Variants in SOX5 observed in about 807,000 individuals in gnomAD.
SOX5 encodes the protein transcription factor SOX-5.
In SOX5, 9 loss-of-function variants were observed where a neutral mutation model predicts 92.0. The observed-to-expected ratio is 0.10, with a 90% CI of 0.06 to 0.17. The LOEUF (loss-of-function observed/expected upper bound fraction) is 0.17, where lower values mean the gene tolerates loss of function less well. Ranked by LOEUF, SOX5 falls within the 10% of genes least tolerant of loss-of-function variation. The probability of loss-of-function intolerance (pLI) is 1.00; values close to 1 mark genes in which losing one functional copy is unlikely to be tolerated. For missense variants in SOX5, 642 were observed against 944.5 expected (o/e 0.68, Z 4.20); for synonymous variants, 344 against 336.3 (o/e 1.02, Z -0.25).
chr12:24,201,033 C>T (rs1451173021), intron 4 of SOX5, among the ~76,000 whole-genome samples: 1 of 152,172 alleles, frequency 6.6e-6, no homozygotes, highest in Non-Finnish European at 1.5e-5. Context: ...CAGAACTATA[C>T]ACCCAACAAT....
intron 2 of SOX5, among the ~76,000 whole-genome samples, chr12:23,875,556 G>C (rs1209231858): frequency 6.6e-6 from 1 of 151,760 alleles, no homozygotes; most frequent in Admixed American, 6.6e-5. Flanking sequence ...AGGAAGCAAA[G>C]GAAGGAAAGA....
At chr12:23,953,774 A>C (rs896728885), upstream of SOX5, among the ~76,000 whole-genome samples, 2 of 152,056 alleles carry the variant, frequency 1.3e-5, no homozygotes, top group Non-Finnish European at 2.9e-5. Flanking sequence ...TACACAAATA[A>C]AATATATTTT....
At chr12:23,914,415 C>T (rs2097389597) in intron 1 of SOX5, among the ~76,000 whole-genome samples, 1 of 151,966 alleles carries the variant, frequency 6.6e-6, no homozygotes, top group Admixed American at 6.6e-5. Flanking sequence ...ATTGATTTAC[C>T]AGGGCAAGTA....
Position 23,805,071 on chromosome 12 carries a change from T to A in SOX5, c.481+40912A>T, listed in dbSNP as rs554052624. ...TGCTTTGCATGACTAGACGTTTTTTTAAAAAAATCTGTGGAATGAAAGAAG... is the reference window on the plus strand; with the variant it reads ...TGCTTTGCATGACTAGACGTTTTTTAAAAAAAATCTGTGGAATGAAAGAAG... On this transcript the variant is annotated intron_variant, in intron 3 of 14. Coordinates refer to ENST00000451604, the MANE Select transcript of SOX5 (RefSeq NM_006940.6). 1.3e-4 allele frequency among the ~76,000 whole-genome samples: 20 copies of A among 150,466 alleles called. 1 individual carries two copies. Among genetic ancestry groups the A allele is most frequent in the Middle Eastern group, 6.9e-3 (2 of 288 alleles).
rs977308190 is a variant in SOX5 at position 23,786,835 on chromosome 12, A to C, written c.482-31111T>G. On this transcript the variant is annotated intron_variant, in intron 3 of 14. Transcript: ENST00000451604. Reference sequence around the variant, plus strand: ...ATCACTGATTTTGGAGAAAAGTTATAAAACAAAAACTTAAAATTATGCAAA... The same window carrying C: ...ATCACTGATTTTGGAGAAAAGTTATCAAACAAAAACTTAAAATTATGCAAA... Among the ~76,000 whole-genome samples the C allele has an allele frequency of 1.1e-4, 16 of 146,054 alleles. 1 individual carries two copies. Among genetic ancestry groups the C allele is most frequent in the African/African-American group, 4.1e-4 (16 of 39,458 alleles).
chr12:24,371,565 G>C (rs1956747502), intron 1 of SOX5, among the ~76,000 whole-genome samples: 1 of 152,188 alleles, frequency 6.6e-6, no homozygotes, highest in Non-Finnish European at 1.5e-5. Flanking sequence ...CTTTCACCCT[G>C]AAAACAGGAG....
rs147574562 is a variant in SOX5 at position 23,648,596 on chromosome 12, C to T, written c.932-7699G>A. 5.3e-3 allele frequency among the ~76,000 whole-genome samples: 800 copies of T among 152,152 alleles called. 9 individuals are homozygous for T. Among genetic ancestry groups the T allele is most frequent in the South Asian group, 0.043 (205 of 4,812 alleles). ...ACAAAATAGAGTCTGTCTGGTATGACCAGGTGTGAACACAGAGAGAAGGTG... is the reference window on the plus strand; with the variant it reads ...ACAAAATAGAGTCTGTCTGGTATGATCAGGTGTGAACACAGAGAGAAGGTG... On this transcript the variant is annotated intron_variant, in intron 7 of 14. Transcript: ENST00000451604.
At chr12:24,346,815 G>T (rs1442224624) in intron 2 of SOX5, among the ~76,000 whole-genome samples, 1 of 151,902 alleles carries the variant, frequency 6.6e-6, no homozygotes, top group Non-Finnish European at 1.5e-5. Flanking sequence ...ACTCATAGGT[G>T]GGAATTGAAT....
intron 3 of SOX5, among the ~76,000 whole-genome samples, chr12:23,800,156 A>G (rs2095634971): frequency 6.6e-6 from 1 of 152,068 alleles, no homozygotes; most frequent in African/African-American, 2.4e-5. Context: ...CAGTTTCAAC[A>G]TTTTTAAATG....
intron 9 of SOX5, among the ~76,000 whole-genome samples, chr12:23,601,033 T>C (rs930314631): frequency 5.3e-5 from 8 of 152,142 alleles, no homozygotes; most frequent in African/African-American, 1.9e-4. Context: ...GCAGGAATGC[T>C]AAGTGAAATC....
At chr12:24,147,572 T>A (rs550758005) in intron 4 of SOX5, among the ~76,000 whole-genome samples, 1 of 152,040 alleles carries the variant, frequency 6.6e-6, no homozygotes, top group African/African-American at 2.4e-5. Context: ...GGGAGTGCAA[T>A]AAAGCAAGAA....
intron 1 of SOX5, among the ~76,000 whole-genome samples, chr12:24,554,876 C>T (rs1953612609): frequency 6.6e-6 from 1 of 152,202 alleles, no homozygotes; most frequent in Non-Finnish European, 1.5e-5. Context: ...CGTCTTTTCT[C>T]AGATGTTGTT....
chr12:23,728,764 A>G (rs1225839510), intron 6 of SOX5, among the ~76,000 whole-genome samples: 1 of 152,180 alleles, frequency 6.6e-6, no homozygotes, highest in African/African-American at 2.4e-5. Context: ...ACTTAGGGCC[A>G]TTAAGCCTTA....
chr12:23,828,192 G>T, intron 3 of SOX5, among the ~76,000 whole-genome samples: 1 of 152,170 alleles, frequency 6.6e-6, no homozygotes, highest in East Asian at 1.9e-4. Context: ...CAGGCTTGGA[G>T]CCTAGGGGCG....
At chr12:23,588,721 G>GCACACA (rs56083228) in intron 9 of SOX5, among the ~76,000 whole-genome samples, 18 of 149,324 alleles carry the variant, frequency 1.2e-4, no homozygotes, top group African/African-American at 4.4e-4. Context: ...ATGGGATAGT[G>GCACACA]CACACACACA....
At chr12:23,659,419 G>A (rs535290390) in intron 7 of SOX5, among the ~76,000 whole-genome samples, 1 of 152,240 alleles carries the variant, frequency 6.6e-6, no homozygotes, top group South Asian at 2.1e-4. Context: ...CATATTTTAA[G>A]TTTATTAAGC....
chr12:23,855,354 A>G (rs1029346139), intron 2 of SOX5, among the ~76,000 whole-genome samples: 1 of 152,092 alleles, frequency 6.6e-6, no homozygotes. Flanking sequence ...CCTCTGTTGC[A>G]TATTCAATTT....
chr12:24,506,784 C>CTTTTTTTGTTTTTTTTTTTTTTTTTTT (rs1948799452), intron 1 of SOX5, among the ~76,000 whole-genome samples: 1 of 81,760 alleles, frequency 1.2e-5, no homozygotes. Flanking sequence ...TCCAAATGGT[C>CTTTTTTTGTTTTTTTTTTTTTTTTTTT]TTTTTTTTTT....
At chr12:24,203,789 G>A (rs549723669) in intron 4 of SOX5, among the ~76,000 whole-genome samples, 115 of 152,128 alleles carry the variant, frequency 7.6e-4, no homozygotes, top group Non-Finnish European at 1.3e-3. Context: ...GAGTATAAAC[G>A]CCAATTACTG....
Sources: allele counts gnomAD v4.1 joint callset (sites outside exome capture counted in the v4.1 genomes callset), GRCh38; gene constraint gnomAD v4.1.1; transcripts MANE v1.5; gene names NCBI Gene and HGNC (gene_info 2026-07-23, HGNC 2026-07-21).